TRPM1: variants seen among roughly 807,000 people sequenced by gnomAD.
TRPM1 encodes TRPM1-203 APA Isoform, Intron 10.
Under a neutral mutation model 149.4 loss-of-function variants are expected in TRPM1, and 113 were observed. The ratio of observed to expected loss-of-function variants is 0.76; its 90% CI spans 0.65 to 0.88. The LOEUF (loss-of-function observed/expected upper bound fraction) is 0.88. Among genes scored for constraint, TRPM1 ranks in the 40% least tolerant of loss-of-function variants. The pLI is 0.00. For missense variants in TRPM1, 1,976 were observed against 2,038.7 expected (o/e 0.97, Z 0.59); for synonymous variants, 741 against 759.5 (o/e 0.98, Z 0.40).
chr15:31,095,735 C>G (rs2035361891), intron 1 of TRPM1, among the ~76,000 whole-genome samples: 1 of 150,708 alleles, frequency 6.6e-6, no homozygotes, highest in African/African-American at 2.4e-5. Flanking sequence ...CAAAACTAAA[C>G]TAAATGAAAC....
intron 13 of TRPM1, 113 bp downstream of exon 13, chr15:31,049,262 G>A (rs748979561): frequency 2.5e-5 from 38 of 1,504,252 alleles, no homozygotes; most frequent in East Asian, 4.5e-5. Context: ...CATTAAGTAC[G>A]GACCTCCCAG....
chr15:31,012,578 G>A (rs78802665), intron 27 of TRPM1, among the ~76,000 whole-genome samples: 9,092 of 152,150 alleles, frequency 0.06, 380 homozygotes, highest in Admixed American at 0.13. Context: ...TGACTATAAC[G>A]TTAATTGGTA....
chr15:31,074,671 C>T (rs896774428), intron 3 of TRPM1, among the ~76,000 whole-genome samples: 6 of 152,034 alleles, frequency 3.9e-5, no homozygotes, highest in African/African-American at 1.4e-4. Context: ...CTTTTCTATT[C>T]TCTTTTCCAT....
intron 1 of TRPM1, among the ~76,000 whole-genome samples, chr15:31,154,002 G>A (rs1326587116): frequency 6.6e-6 from 1 of 152,190 alleles, no homozygotes; most frequent in Non-Finnish European, 1.5e-5. Flanking sequence ...CTCAAAGTGT[G>A]TTCCAAGCAT....
rs116830156 is a variant in TRPM1 at position 31,060,886 on chromosome 15, G to A, written c.1163-242C>T. ...TGGTCTCCTTGGGAGGGACAGAACA[G>A]GAACCCAGTGACTCAGGGACCCTGG... is the stretch of plus-strand genomic sequence containing the variant. On this transcript the variant is annotated intron_variant, in intron 10 of 27. Coordinates refer to ENST00000256552, the MANE Select transcript of TRPM1 (RefSeq NM_001252024.2). 2.1e-3 allele frequency among the ~76,000 whole-genome samples: 313 copies of A among 152,330 alleles called. 2 individuals are homozygous for A. Among genetic ancestry groups the A allele is most frequent in the African/African-American group, 6.8e-3 (284 of 41,568 alleles).
intron 1 of TRPM1, among the ~76,000 whole-genome samples, chr15:31,125,901 C>A (rs965055983): frequency 2.0e-5 from 3 of 151,886 alleles, no homozygotes; most frequent in Admixed American, 1.3e-4. Flanking sequence ...CAGGCTGATG[C>A]AGGTGGATCA....
intron 27 of TRPM1, among the ~76,000 whole-genome samples, chr15:31,007,364 C>T (rs1391698405): frequency 6.6e-6 from 1 of 152,120 alleles, no homozygotes; most frequent in Non-Finnish European, 1.5e-5. Context: ...GTGTTGGACC[C>T]TTCACCAAGA....
intron 13 of TRPM1, 40 bp from the exon 14 acceptor site, chr15:31,047,979 T>C: frequency 2.5e-6 from 4 of 1,596,076 alleles, no homozygotes; most frequent in Non-Finnish European, 1.7e-6. Context: ...TATGTTTTTC[T>C]TGGCCAGGCG....
Position 31,030,975 on chromosome 15 carries a change from A to G in TRPM1, c.3127+8T>C, listed in dbSNP as rs764635759. 1 of 1,614,070 alleles carries G rather than the reference A, an allele frequency of 6.2e-7. No individual in the cohort carries two copies. Among genetic ancestry groups the G allele is most frequent in the Non-Finnish European group, 8.5e-7 (1 of 1,179,994 alleles). On this transcript the variant is annotated splice_region_variant and intron_variant, in intron 23 of 27. Coordinates refer to ENST00000256552, the MANE Select transcript of TRPM1 (RefSeq NM_001252024.2). The stretch of plus-strand genomic sequence containing the variant: ...GGAAGAGAATCTTACTATGAATTCT[A>G]CTCTTACGGTCTATCTGGTCTGCAA...
intron 27 of TRPM1, among the ~76,000 whole-genome samples, chr15:31,013,343 C>CT (rs1245126880): frequency 6.6e-6 from 1 of 151,056 alleles, no homozygotes. Context: ...ATTTCTACCT[C>CT]TTTTTTTTTG....
At chr15:31,059,073 A>T (rs911752903) in intron 11 of TRPM1, among the ~76,000 whole-genome samples, 1 of 152,020 alleles carries the variant, frequency 6.6e-6, no homozygotes, top group African/African-American at 2.4e-5. Context: ...ACAGAGTGAG[A>T]CTCCATTTCA....
At chr15:31,141,726 G>T (rs1004974057) in intron 1 of TRPM1, among the ~76,000 whole-genome samples, 1 of 152,210 alleles carries the variant, frequency 6.6e-6, no homozygotes, top group Non-Finnish European at 1.5e-5. Context: ...GGACAACAAG[G>T]TTTAAGCAAG....
chr15:31,160,861 C>A (rs1234101422), intron 1 of TRPM1: 4 of 1,530,608 alleles, frequency 2.6e-6, no homozygotes, highest in Non-Finnish European at 2.6e-6. Context: ...TGTCCCTCTG[C>A]CCTTCCGCCC....
rs184728872 is a variant in TRPM1 at position 31,159,416 on chromosome 15, G to A, written c.54+1490C>T. Among the ~76,000 whole-genome samples the A allele has an allele frequency of 6.6e-5, 10 of 152,320 alleles. No individual in the cohort carries two copies. The South Asian group carries it at 1.7e-3, about 25-fold the overall frequency. On this transcript the variant is annotated intron_variant, in intron 1 of 26. Transcript: ENST00000542188. ...TTTGTGCTGGGGAGGAGGAGGTCAC[G>A]TGGAGCCACCTGGCCCGGGCTGCAC...
At chr15:31,093,107 A>C (rs2035284567) in intron 1 of TRPM1, among the ~76,000 whole-genome samples, 1 of 152,028 alleles carries the variant, frequency 6.6e-6, no homozygotes, top group Non-Finnish European at 1.5e-5. Flanking sequence ...CTAAAAATAA[A>C]AAAATTAGCT....
At chr15:31,035,826 C>T in intron 20 of TRPM1, 152 bp from the exon 21 acceptor site, 1 of 1,069,658 alleles carries the variant, frequency 9.3e-7, no homozygotes, top group Non-Finnish European at 1.4e-6. Context: ...TGCACCTCAC[C>T]AGTGCAGACA....
chr15:31,068,094 T>C lies in TRPM1; in HGVS notation c.280-2A>G. The C allele has an allele frequency of 1.9e-6, 3 of 1,612,792 alleles. No homozygotes were observed. The highest frequency in any genetic ancestry group is 2.5e-6 in the Non-Finnish European group (3 of 1,178,796). ...GGTGTCATAGGATACACGGATATAC[T>C]GTGAAAGAGTGTGTGGCACTCAGCC... On this transcript the variant is annotated splice_acceptor_variant, in intron 4 of 27. Coordinates refer to ENST00000256552, the MANE Select transcript of TRPM1 (RefSeq NM_001252024.2). LOFTEE classifies it high-confidence loss of function.
intron 16 of TRPM1, among the ~76,000 whole-genome samples, chr15:31,043,790 A>T (rs533093947): frequency 2.0e-5 from 3 of 152,304 alleles, no homozygotes; most frequent in African/African-American, 7.2e-5. Context: ...ATAACATCTA[A>T]TATTATTAAA....
At chr15:31,033,356 G>A (rs1166513125) in intron 21 of TRPM1, among the ~76,000 whole-genome samples, 1 of 152,206 alleles carries the variant, frequency 6.6e-6, no homozygotes, top group Non-Finnish European at 1.5e-5. Context: ...ATACCACTAG[G>A]AAATGTTTTG....
Sources: gnomAD v4.1 joint callset for allele counts (sites outside exome capture counted in the v4.1 genomes callset) on GRCh38, gnomAD v4.1.1 for gene constraint, MANE v1.5 for transcripts, NCBI Gene and HGNC (gene_info 2026-07-23, HGNC 2026-07-21) for gene names.